Variants in PCDHGA12 observed in about 807,000 individuals in gnomAD.
The protein encoded by PCDHGA12 is protocadherin gamma-A12.
A neutral mutation model predicts 61.1 loss-of-function variants in PCDHGA12; 43 were observed. The observed-to-expected ratio is 0.70, with a 90% CI of 0.55 to 0.91. PCDHGA12 has a LOEUF of 0.91. PCDHGA12 is among the 40% of genes least tolerant of loss of function. The pLI is 0.00. For synonymous variants in PCDHGA12, 520 were observed against 542.9 expected (o/e 0.96, Z 0.59); for missense variants, 1,236 against 1,227.7 (o/e 1.01, Z -0.10).
intron 1 of PCDHGA12, among the ~76,000 whole-genome samples, chr5:141,445,652 A>C (rs1307606419): frequency 6.6e-6 from 1 of 152,212 alleles, no homozygotes; most frequent in African/African-American, 2.4e-5. Context: ...TGAATAGATT[A>C]ATAGGATGAG....
chr5:141,478,633 TGATGAA>T, intron 1 of PCDHGA12: 4 of 1,553,032 alleles, frequency 2.6e-6, no homozygotes, highest in Non-Finnish European at 3.5e-6. Flanking sequence ...GTTTTTTTAG[TGATGAA>T]GATGTTTTCC....
intron 1 of PCDHGA12, among the ~76,000 whole-genome samples, chr5:141,473,583 A>G (rs905824343): frequency 6.6e-6 from 1 of 152,226 alleles, no homozygotes; most frequent in Non-Finnish European, 1.5e-5. Flanking sequence ...CTAAGACCAG[A>G]CAGACCTGTA....
At chr5:141,483,555 C>CAG (rs1415499107) in intron 1 of PCDHGA12, among the ~76,000 whole-genome samples, 2 of 152,152 alleles carry the variant, frequency 1.3e-5, no homozygotes, top group African/African-American at 4.8e-5. Flanking sequence ...GTGCCATTCA[C>CAG]AGAGACAGTG....
chr5:141,463,904 T>C (rs1289422146), intron 1 of PCDHGA12, among the ~76,000 whole-genome samples: 3 of 152,214 alleles, frequency 2.0e-5, no homozygotes, highest in African/African-American at 4.8e-5. Context: ...TTTGTACTAA[T>C]AATATATCCT....
chr5:141,489,592 C>A lies in PCDHGA12; in HGVS notation c.2425-5215C>A, dbSNP rs747085985. On this transcript the variant is annotated intron_variant, in intron 1 of 3. Coordinates refer to ENST00000252085, the MANE Select transcript of PCDHGA12 (RefSeq NM_003735.3). The surrounding 1 kb of genome is among the most constrained non-coding windows in gnomAD (Gnocchi z 4.5). ...GACTGAACACCCCCTGGAGCTAATCCGTGTAGAGGTAGAGATCCTGGATCT... is the reference window on the plus strand; with the variant it reads ...GACTGAACACCCCCTGGAGCTAATCAGTGTAGAGGTAGAGATCCTGGATCT... 3 of 1,614,046 alleles carry A rather than the reference C, an allele frequency of 1.9e-6. No homozygotes were observed. Among genetic ancestry groups the A allele is most frequent in the Non-Finnish European group, 2.5e-6 (3 of 1,179,978 alleles).
At chr5:141,440,280 A>G (rs1389627767) in intron 1 of PCDHGA12, 1 of 152,220 alleles carries the variant, frequency 6.6e-6, no homozygotes, top group East Asian at 1.9e-4. Context: ...CAGCCTGACC[A>G]ACATAGTGAA....
At chr5:141,449,156 G>T (rs4432943) in intron 1 of PCDHGA12, among the ~76,000 whole-genome samples, 84,481 of 151,978 alleles carry the variant, frequency 0.56, 26,202 homozygotes, top group African/African-American at 0.85. Context: ...GGTCAAAGAG[G>T]AAATAGGTGT....
chr5:141,456,678 T>C (rs2098875796), intron 1 of PCDHGA12, among the ~76,000 whole-genome samples: 1 of 152,152 alleles, frequency 6.6e-6, no homozygotes, highest in South Asian at 2.1e-4. Flanking sequence ...TAAAAATGCA[T>C]TACTGGCCAG....
At chr5:141,433,641 G>C (rs1177387884) in intron 1 of PCDHGA12, among the ~76,000 whole-genome samples, 1 of 152,104 alleles carries the variant, frequency 6.6e-6, no homozygotes, top group Admixed American at 6.5e-5. Flanking sequence ...TTTGAGACCA[G>C]CCTGACCAAC....
At chr5:141,450,919 G>A (rs1489017891) in intron 1 of PCDHGA12, among the ~76,000 whole-genome samples, 2 of 151,024 alleles carry the variant, frequency 1.3e-5, no homozygotes, top group African/African-American at 4.9e-5. Context: ...CTGCCTCCCA[G>A]ATTCAAGCAA....
Position 141,443,030 on chromosome 5 carries a change from C to A in PCDHGA12, c.2424+9847C>A, listed in dbSNP as rs147317486. ...ATATGACTAATGGAAGTTGCCAGAC[C>A]TAAACTTTGAAAATTATTGTTCCAC... On this transcript the variant is annotated intron_variant, in intron 1 of 3. Transcript: ENST00000252085. Among the ~76,000 whole-genome samples, 31 of 152,290 alleles carry A rather than the reference C, an allele frequency of 2.0e-4. No individual in the cohort carries two copies. The East Asian group carries it at 3.5e-3, about 17-fold the overall frequency.
At position 141,430,756 on chromosome 5, in the gene PCDHGA12, A is replaced by G. The variant is rs747363475; in HGVS notation, c.-4A>G. On this transcript the variant is annotated 5_prime_UTR_variant, in exon 1 of 4. In the 5' UTR this introduces an upstream ATG that the reference lacks. Coordinates refer to ENST00000252085, the MANE Select transcript of PCDHGA12 (RefSeq NM_003735.3). The stretch of plus-strand genomic sequence containing the variant: ...ATTGAAAATAATTCTGGAGGAAGAT[A>G]AGAATGATTCCTGCGCGACTGCACC... 1 of 1,503,228 alleles carries G rather than the reference A, an allele frequency of 6.7e-7. No individual in the cohort carries two copies. Among genetic ancestry groups the G allele is most frequent in the Non-Finnish European group, 8.9e-7 (1 of 1,127,692 alleles). The allele number at this position is 1,503,228 out of a possible 1,614,324, so 93.1% of individuals were successfully genotyped here.
rs1177814811 is a variant in PCDHGA12 at position 141,511,841 on chromosome 5, CTGTTT to C, written c.*675_*679del. The C allele has an allele frequency of 3.2e-5, 5 of 156,826 alleles. No homozygotes were observed. Among genetic ancestry groups the C allele is most frequent in the African/African-American group, 4.8e-5 (2 of 41,458 alleles). The allele number at this position is 156,826 out of a possible 1,614,324, so 9.7% of individuals were successfully genotyped here. ...TCCCAACGCCCTGGGGACCAGTCTT[CTGTTT>C]TGTTTTTCATTGTTTGACGTTTCCA... On this transcript the variant is annotated 3_prime_UTR_variant, in exon 4 of 4. Coordinates refer to ENST00000252085, the MANE Select transcript of PCDHGA12 (RefSeq NM_003735.3).
At chr5:141,442,005 C>G (rs1037210381) in intron 1 of PCDHGA12, 1 of 229,014 alleles carries the variant, frequency 4.4e-6, no homozygotes. Flanking sequence ...GCTGACAGCT[C>G]GCACGATGGG....
At chr5:141,478,215 T>C (rs764444582) in intron 1 of PCDHGA12, 11 of 1,614,118 alleles carry the variant, frequency 6.8e-6, no homozygotes. Context: ...TCTCTAATCC[T>C]GGTTTCTGTG....
Position 141,489,515 on chromosome 5 carries a change from G to C in PCDHGA12, c.2425-5292G>C, listed in dbSNP as rs983415025. On this transcript the variant is annotated intron_variant, in intron 1 of 3. Coordinates refer to ENST00000252085, the MANE Select transcript of PCDHGA12 (RefSeq NM_003735.3). The surrounding 1 kb of genome is among the most constrained non-coding windows in gnomAD (Gnocchi z 4.5). ...CTGGCAGTGAATCAAAAGATTGACC[G>C]AGAAAGCCTATGTGGAGCCAGCACC... 1 of 1,614,104 alleles carries C rather than the reference G, an allele frequency of 6.2e-7. No individual in the cohort carries two copies. The highest frequency in any genetic ancestry group is 8.5e-7 in the Non-Finnish European group (1 of 1,180,034).
intron 1 of PCDHGA12, among the ~76,000 whole-genome samples, chr5:141,451,493 T>C (rs1554137340): frequency 2.0e-5 from 3 of 152,230 alleles, no homozygotes; most frequent in Admixed American, 2.0e-4. Context: ...TGGACCTCCA[T>C]AGGGCAACCA....
At chr5:141,502,724 C>T (rs1288841230) in intron 2 of PCDHGA12, among the ~76,000 whole-genome samples, 2 of 152,134 alleles carry the variant, frequency 1.3e-5, no homozygotes, top group African/African-American at 4.8e-5. Context: ...GATTACAAAG[C>T]GGTGATGTTC....
At chr5:141,460,842 C>T (rs1339558359) in intron 1 of PCDHGA12, among the ~76,000 whole-genome samples, 2 of 150,412 alleles carry the variant, frequency 1.3e-5, no homozygotes, top group African/African-American at 2.4e-5. Flanking sequence ...GTAATGGCCT[C>T]CAGTTCGATC....
Sources: allele counts gnomAD v4.1 joint callset (sites outside exome capture counted in the v4.1 genomes callset), GRCh38; gene constraint gnomAD v4.1.1; non-coding constraint Gnocchi (gnomAD v3.1); transcripts MANE v1.5; gene names NCBI Gene and HGNC (gene_info 2026-07-23, HGNC 2026-07-21).